GLG1: variants seen among roughly 807,000 people sequenced by gnomAD.
GLG1 encodes the protein Golgi apparatus protein 1.
GLG1 carries 38 observed loss-of-function variants against 160.5 expected under a neutral mutation model. That is an observed-to-expected ratio of 0.24 (90% CI 0.18 to 0.31). The LOEUF (loss-of-function observed/expected upper bound fraction) is 0.31. Among genes scored for constraint, GLG1 ranks in the 10% least tolerant of loss-of-function variants. GLG1 has a pLI of 1.00. For missense variants in GLG1, 1,373 were observed against 1,505.2 expected (o/e 0.91, Z 1.45); for synonymous variants, 644 against 543.4 (o/e 1.19, Z -2.57).
intron 11 of GLG1, among the ~76,000 whole-genome samples, chr16:74,479,311 A>C (rs1260549555): frequency 6.6e-6 from 1 of 151,408 alleles, no homozygotes; most frequent in African/African-American, 2.4e-5. Context: ...AAAGAAAAGA[A>C]AACCAGCACC....
chr16:74,480,416 G>C, intron 10 of GLG1, 22 bp from the exon 11 acceptor site: 1 of 1,572,864 alleles, frequency 6.4e-7, no homozygotes, highest in South Asian at 1.1e-5. Context: ...AGAGTTAAAA[G>C]ATAACCACTA....
rs1166245042 is a variant in GLG1, at chr16:74,584,963, G to A, written c.438+21694C>T. Among the ~76,000 whole-genome samples, 11 of 151,984 alleles carry A rather than the reference G, an allele frequency of 7.2e-5. 1 individual carries two copies. Among genetic ancestry groups the A allele is most frequent in the African/African-American group, 2.7e-4 (11 of 41,364 alleles). On this transcript the variant is annotated intron_variant, in intron 1 of 25. Transcript: ENST00000422840. The stretch of plus-strand genomic sequence containing the variant: ...CTACACACTGGGTACAGTGTACAAT[G>A]CTCGAGTAATGGGTGGACCAAAATC...
intron 2 of GLG1, among the ~76,000 whole-genome samples, chr16:74,519,794 A>C (rs1236549291): frequency 6.6e-6 from 1 of 152,168 alleles, no homozygotes; most frequent in Non-Finnish European, 1.5e-5. Flanking sequence ...CTACATGCTT[A>C]AACTGTCATT....
chr16:74,556,337 T>C (rs750577486), intron 1 of GLG1, among the ~76,000 whole-genome samples: 7 of 152,214 alleles, frequency 4.6e-5, no homozygotes, highest in Non-Finnish European at 7.3e-5. Flanking sequence ...ATCATGACTT[T>C]AAATACTTTA....
chr16:74,465,098 G>C (rs1180484854), intron 19 of GLG1, among the ~76,000 whole-genome samples: 2 of 152,116 alleles, frequency 1.3e-5, no homozygotes, highest in African/African-American at 4.8e-5. Context: ...CTTGGCCTCT[G>C]AAAGTGCTGG....
intron 1 of GLG1, among the ~76,000 whole-genome samples, chr16:74,577,448 G>T (rs561922770): frequency 6.6e-6 from 1 of 151,058 alleles, no homozygotes; most frequent in South Asian, 2.1e-4. Context: ...CTTGAACTCA[G>T]GAGGCAGAAA....
chr16:74,465,866 A>G, intron 18 of GLG1, 53 bp from the exon 19 acceptor site: 1 of 1,505,608 alleles, frequency 6.6e-7, no homozygotes. Context: ...CTGCTCATCC[A>G]TGTGTTCTGA....
intron 1 of GLG1, among the ~76,000 whole-genome samples, chr16:74,595,046 G>A (rs184559442): frequency 5.7e-4 from 86 of 151,746 alleles, no homozygotes; most frequent in Admixed American, 9.2e-4. Context: ...AAATTAGCTC[G>A]GCGTGGTGGC....
intron 4 of GLG1, 69 bp from the exon 5 acceptor site, chr16:74,496,713 T>TACAC (rs34221253): frequency 0.19 from 115,465 of 610,554 alleles, 4,691 homozygotes; most frequent in Admixed American, 0.28. Flanking sequence ...AACATTTGGC[T>TACAC]ACACACACAC....
At chr16:74,492,174 C>T (rs529129440) in intron 7 of GLG1, among the ~76,000 whole-genome samples, 32 of 146,786 alleles carry the variant, frequency 2.2e-4, no homozygotes, top group Middle Eastern at 4.4e-3. Flanking sequence ...ATCACGAGGT[C>T]AGGAGATCGA....
intron 14 of GLG1, among the ~76,000 whole-genome samples, chr16:74,471,588 G>A (rs917274281): frequency 1.3e-5 from 2 of 152,040 alleles, no homozygotes; most frequent in African/African-American, 2.4e-5. Flanking sequence ...GATCCTAATG[G>A]TTCCTGGGTA....
intron 1 of GLG1, among the ~76,000 whole-genome samples, chr16:74,587,634 C>T (rs1033202426): frequency 3.3e-5 from 5 of 152,152 alleles, no homozygotes; most frequent in Admixed American, 6.6e-5. Flanking sequence ...TTCGGGAGGC[C>T]GAAGTGGGCG....
intron 2 of GLG1, among the ~76,000 whole-genome samples, chr16:74,510,316 C>T (rs1382039809): frequency 1.3e-5 from 2 of 152,176 alleles, no homozygotes; most frequent in Non-Finnish European, 2.9e-5. Context: ...CAAGAGTGAG[C>T]CACTGCACCC....
At chr16:74,596,454 G>A (rs922317094) in intron 1 of GLG1, among the ~76,000 whole-genome samples, 10 of 151,712 alleles carry the variant, frequency 6.6e-5, no homozygotes, top group Admixed American at 2.6e-4. Context: ...GCTTGAACTC[G>A]GGAGGCAGAG....
chr16:74,554,366 T>G (rs2018293884), intron 1 of GLG1, among the ~76,000 whole-genome samples: 1 of 152,170 alleles, frequency 6.6e-6, no homozygotes, highest in Admixed American at 6.5e-5. Context: ...AAACCCCATC[T>G]CTACTAAAAA....
At position 74,470,086 on chromosome 16, in the gene GLG1, G is replaced by A. The variant is rs2015141317; in HGVS notation, c.2230-13C>T. On this transcript the variant is annotated splice_polypyrimidine_tract_variant and intron_variant, in intron 15 of 25. Coordinates refer to ENST00000422840, the MANE Select transcript of GLG1 (RefSeq NM_001145667.2). ...CCTTCATCTGCACCTGAAAGGTAAA[G>A]AGAAAGAAAGTCAGAAGTTTTGTGG... 1 of 1,550,154 alleles carries A rather than the reference G, an allele frequency of 6.5e-7. No individual in the cohort carries two copies. Among genetic ancestry groups the A allele is most frequent in the Non-Finnish European group, 8.9e-7 (1 of 1,123,412 alleles).
At chr16:74,515,919 C>T (rs1247307662) in intron 2 of GLG1, among the ~76,000 whole-genome samples, 1 of 3,202 alleles carries the variant, frequency 3.1e-4, no homozygotes, top group Non-Finnish European at 3.6e-3. Context: ...ATAAAACAGA[C>T]TCTAAACCTA....
At position 74,458,084 on chromosome 16, in the gene GLG1, AG is replaced by A. The variant is rs997825723; in HGVS notation, c.3145-91del. 14 of 1,326,332 alleles carry A rather than the reference AG, an allele frequency of 1.1e-5. No homozygotes were observed. In the Admixed American group the frequency reaches 2.6e-4, roughly 25 times the overall value. 82.2% of individuals were successfully genotyped at this position (1,326,332 alleles called of 1,614,324 possible). On this transcript the variant is annotated intron_variant, in intron 23 of 25. Transcript: ENST00000422840. Reference sequence around the variant, plus strand: ...TAAATACTTCATATACTAATAAAAAAGGGGGGAAGTTGAGGGCTAACAACAG... The same window carrying A: ...TAAATACTTCATATACTAATAAAAAAGGGGGAAGTTGAGGGCTAACAACAG...
At chr16:74,517,148 T>C (rs2017003963) in intron 2 of GLG1, among the ~76,000 whole-genome samples, 1 of 152,214 alleles carries the variant, frequency 6.6e-6, no homozygotes, top group South Asian at 2.1e-4. Context: ...GTACCATTCC[T>C]TCTGAAACTA....
Sources: allele counts gnomAD v4.1 joint callset (sites outside exome capture counted in the v4.1 genomes callset), GRCh38; gene constraint gnomAD v4.1.1; transcripts MANE v1.5; gene names NCBI Gene and HGNC (gene_info 2026-07-23, HGNC 2026-07-21).